FYCO1: variants seen among roughly 807,000 people sequenced by gnomAD.
The protein encoded by FYCO1 is FYVE and coiled-coil domain-containing protein 1.
Under a neutral mutation model 165.1 loss-of-function variants are expected in FYCO1, and 122 were observed. That is an observed-to-expected ratio of 0.74 (90% CI 0.64 to 0.86). The LOEUF (loss-of-function observed/expected upper bound fraction) is 0.86, where lower values mean the gene tolerates loss of function less well. Ranked by LOEUF, FYCO1 falls within the 40% of genes least tolerant of loss-of-function variation. The pLI is 0.00. For missense variants in FYCO1, 1,702 were observed against 1,810.3 expected, an observed-to-expected ratio of 0.94 and a Z score of 1.09; for synonymous variants, 648 against 742.5, an observed-to-expected ratio of 0.87 and a Z score of 2.07.
At chr3:45,963,521 A>C (rs1705819927) in intron 10 of FYCO1, among the ~76,000 whole-genome samples, 1 of 152,214 alleles carries the variant, frequency 6.6e-6, no homozygotes, top group African/African-American at 2.4e-5. Flanking sequence ...CCAGGCCTAG[A>C]AGGCAGGTGT....
chr3:45,948,609 T>C (rs981501735), intron 14 of FYCO1, among the ~76,000 whole-genome samples: 1 of 152,238 alleles, frequency 6.6e-6, no homozygotes, highest in African/African-American at 2.4e-5. Flanking sequence ...TGTCAGATTT[T>C]ATGCATGTTT....
intron 14 of FYCO1, among the ~76,000 whole-genome samples, chr3:45,942,705 G>C (rs537845648): frequency 1.3e-5 from 2 of 152,204 alleles, no homozygotes; most frequent in Non-Finnish European, 2.9e-5. Flanking sequence ...AGATCATGGA[G>C]ACTGACAACT....
At chr3:45,922,409 G>A (rs1189428425) in intron 17 of FYCO1, among the ~76,000 whole-genome samples, 5 of 152,200 alleles carry the variant, frequency 3.3e-5, no homozygotes, top group Admixed American at 2.0e-4. Context: ...TCAATCCACA[G>A]TGTGGTTGCC....
In FYCO1 at chr3:45,968,073, T is replaced by C. The variant is rs1706197644; in HGVS notation, c.1261A>G (p.Asn421Asp). 1 of 1,614,176 alleles carries C rather than the reference T, an allele frequency of 6.2e-7. No individual in the cohort carries two copies. The highest frequency in any genetic ancestry group is 8.5e-7 in the Non-Finnish European group (1 of 1,180,018). ...ERERTKVEEV[N>D]RQQSAQLEQL... ...TCCAGTTGGGCACTCTGCTGTCTGT[T>C]GACCTCCTCGACCTTGGTTCTCTCC... Residue 421 changes from asparagine (N) to aspartate (D), a missense_variant, in exon 8 of 18, where the codon AAC (asparagine) becomes GAC (aspartate). Transcript: ENST00000296137.
Position 45,967,421 on chromosome 3 carries a change from T to C in FYCO1, c.1913A>G (p.Lys638Arg). The change falls in exon 8 of 18, where the codon AAG (lysine) becomes AGG (arginine). Residue 638 changes from lysine to arginine, a missense_variant. By Grantham distance (26) the Lys-to-Arg change is conservative. Coordinates refer to ENST00000296137, the MANE Select transcript of FYCO1 (RefSeq NM_024513.4). ...GTAATCGGCCTGCAGGGCTTGCAGC[T>C]TGCCCTCCAGGAGCTGGTTACGCCC... The part of the protein sequence containing the change: ...VVGRNQLLEG[K>R]LQALQADYQA... 6 of 1,613,274 alleles carry C rather than the reference T, an allele frequency of 3.7e-6. No individual in the cohort carries two copies. Among genetic ancestry groups the C allele is most frequent in the Non-Finnish European group, 5.1e-6 (6 of 1,179,780 alleles).
chr3:45,922,775 GT>G (rs1483811617), intron 17 of FYCO1, among the ~76,000 whole-genome samples: 3 of 152,186 alleles, frequency 2.0e-5, no homozygotes, highest in African/African-American at 7.2e-5. Flanking sequence ...GATGACTCAG[GT>G]TTTCCCTAGT....
intron 10 of FYCO1, among the ~76,000 whole-genome samples, chr3:45,963,874 C>T (rs961511259): frequency 4.6e-5 from 7 of 152,194 alleles, no homozygotes; most frequent in African/African-American, 1.7e-4. Context: ...CCTTGGCACA[C>T]TCATCTTCCT....
At chr3:45,931,830 A>G (rs62245108) in intron 15 of FYCO1, among the ~76,000 whole-genome samples, 33,296 of 152,112 alleles carry the variant, frequency 0.22, 3,769 homozygotes, top group East Asian at 0.3. Context: ...CTTTCCTCAA[A>G]TGCCAACATC....
chr3:45,941,258 C>T (rs1372280034), intron 14 of FYCO1: 4 of 152,220 alleles, frequency 2.6e-5, no homozygotes, highest in Non-Finnish European at 5.9e-5. Flanking sequence ...TGTCTCATCC[C>T]TGAATCCTGG....
intron 15 of FYCO1, 151 bp downstream of exon 15, chr3:45,936,297 A>G (rs2125805030): frequency 1.5e-6 from 1 of 650,216 alleles, no homozygotes; most frequent in Middle Eastern, 4.2e-4. Context: ...ATCTTAATGT[A>G]TATAAGCTAT....
At chr3:45,965,390 G>C (rs144193995) in intron 8 of FYCO1, among the ~76,000 whole-genome samples, 14 of 152,326 alleles carry the variant, frequency 9.2e-5, no homozygotes, top group African/African-American at 3.1e-4. Flanking sequence ...ACGGAGTGGG[G>C]TGGCACTGGG....
intron 14 of FYCO1, among the ~76,000 whole-genome samples, chr3:45,954,889 C>T (rs1705224115): frequency 6.6e-6 from 1 of 152,198 alleles, no homozygotes; most frequent in South Asian, 2.1e-4. Flanking sequence ...AGCACCTGAC[C>T]TTGCACTTCC....
rs1048456878 is a variant in FYCO1 at position 45,964,951 on chromosome 3, A to G, written c.3150+82T>C. ...GGCTTCAGCTTGGGAATCTGGAGGC[A>G]TGCAGGGAGCCCTCTTAAATGGTCC... On this transcript the variant is annotated intron_variant, in intron 9 of 17. Transcript: ENST00000296137. This position sits in a 1 kb window ranked among gnomAD's most constrained non-coding sequence, Gnocchi z 4.1. 1.4e-5 allele frequency: 16 copies of G among 1,105,310 alleles called. No individual in the cohort carries two copies. Among genetic ancestry groups the G allele is most frequent in the Non-Finnish European group, 2.2e-5 (16 of 730,492 alleles). 68.5% of individuals were successfully genotyped at this position (1,105,310 alleles called of 1,614,324 possible). A position where few individuals can be genotyped will look rare whatever the true frequency, so the allele number is the denominator to read the frequency against.
rs1307201856 is a variant in FYCO1 at position 45,968,151 on chromosome 3, C to G, written c.1183G>C (p.Asp395His). The G allele has an allele frequency of 1.2e-6, 2 of 1,614,030 alleles. No individual in the cohort carries two copies. The highest frequency in any genetic ancestry group is 2.7e-5 in the African/African-American group (2 of 74,922). ...TKGRQEPIPS[D>H]AAQEMQELGE... ...AGCTCCTGCATCTCCTGGGCCGCAT[C>G]ACTGGGAATAGGTTCTTGCCGGCCC... The change falls in exon 8 of 18, where the codon GAT becomes CAT. Residue 395 changes from aspartate to histidine, a missense_variant. By Grantham distance (81) the Asp-to-His change is moderately conservative. Transcript: ENST00000296137.
At chr3:45,947,870 G>A (rs1704736188) in intron 14 of FYCO1, 1 of 246,432 alleles carries the variant, frequency 4.1e-6, no homozygotes, top group Non-Finnish European at 8.5e-6. Flanking sequence ...GTTGATGGTA[G>A]GTGGCACACT....
At position 45,982,633 on chromosome 3, in the gene FYCO1, T is replaced by C. The variant is rs573233063; in HGVS notation, c.56-957A>G. Among the ~76,000 whole-genome samples, 7 of 818 alleles carry C rather than the reference T, an allele frequency of 8.6e-3. No individual in the cohort carries two copies. In the East Asian group the frequency reaches 0.12, roughly 14 times the overall value. 0.5% of individuals were successfully genotyped at this position (818 alleles called of 152,430 possible). On this transcript the variant is annotated intron_variant, in intron 2 of 17. Transcript: ENST00000296137. ...CTGGAAAACCTTTTCCCAGCAGAGA[T>C]GGTGGGATGTGCTTCACAAAACTAT...
Position 45,968,288 on chromosome 3 carries a change from T to C in FYCO1, c.1046A>G (p.Gln349Arg), listed in dbSNP as rs1706213274. 7 of 1,613,864 alleles carry C rather than the reference T, an allele frequency of 4.3e-6. No individual in the cohort carries two copies. The highest frequency in any genetic ancestry group is 5.1e-6 in the Non-Finnish European group (6 of 1,180,034). The change falls in exon 8 of 18, where the codon CAG (glutamine) becomes CGG (arginine). Residue 349 changes from glutamine (Q) to arginine (R), a missense_variant. By Grantham distance (43) the Gln-to-Arg change is conservative (BLOSUM62 1). Coordinates refer to ENST00000296137, the MANE Select transcript of FYCO1 (RefSeq NM_024513.4). Reference sequence around the variant, plus strand: ...TGAGTCCCGTGTGGCCTCAAGCTCCTGTGCCAAGGGCTGCAGCATGGACTC... The same window carrying C: ...TGAGTCCCGTGTGGCCTCAAGCTCCCGTGCCAAGGGCTGCAGCATGGACTC... The part of the protein sequence containing the change: ...RLESMLQPLA[Q>R]ELEATRDSLD...
intron 6 of FYCO1, 122 bp from the exon 7 acceptor site, chr3:45,969,887 A>G (rs1427261966): frequency 7.3e-6 from 5 of 681,230 alleles, no homozygotes; most frequent in African/African-American, 1.8e-5. Flanking sequence ...AGAATGTAAG[A>G]AAGTCAAAGC....
rs1189338728 is a variant in FYCO1 at position 45,969,665 on chromosome 3, C to G, written c.630+10G>C. 1 of 1,610,934 alleles carries G rather than the reference C, an allele frequency of 6.2e-7. No homozygotes were observed. The highest frequency in any genetic ancestry group is 8.5e-7 in the Non-Finnish European group (1 of 1,177,300). ...TATAGGAAGATAATTCCCAGCCTTC[C>G]TGGCCTTACCTGCAGGTAGCTGCTC... On this transcript the variant is annotated intron_variant, in intron 7 of 17. Coordinates refer to ENST00000296137, the MANE Select transcript of FYCO1 (RefSeq NM_024513.4).
Sources: gnomAD v4.1 joint callset for allele counts (sites outside exome capture counted in the v4.1 genomes callset) on GRCh38, gnomAD v4.1.1 for gene constraint, Gnocchi (gnomAD v3.1) non-coding constraint, MANE v1.5 for transcripts, NCBI Gene and HGNC (gene_info 2026-07-23, HGNC 2026-07-21) for gene names.